The following EYS variants were observed in gnomAD, a reference collection of about 807,000 sequenced individuals.
EYS encodes the protein EGF-like photoreceptor maintenance factor.
EYS carries 250 observed loss-of-function variants against 282.1 expected under a neutral mutation model. The observed-to-expected ratio is 0.89, with a 90% confidence interval of 0.80 to 0.98. The LOEUF (loss-of-function observed/expected upper bound fraction) is 0.98, where lower values mean the gene tolerates loss of function less well. EYS is among the 50% of genes least tolerant of loss of function. The pLI is 0.00. For missense variants in EYS, 4,016 were observed against 3,709.0 expected (o/e 1.08, Z -2.15); for synonymous variants, 1,355 against 1,282.9 (o/e 1.06, Z -1.20).
intron 26 of EYS, among the ~76,000 whole-genome samples, chr6:64,582,727 C>T (rs10944599): frequency 0.098 from 14,984 of 152,130 alleles, 917 homozygotes; most frequent in East Asian, 0.17. Flanking sequence ...CACAATCACT[C>T]TACTGTATTC....
intron 30 of EYS, among the ~76,000 whole-genome samples, chr6:64,298,489 C>T (rs1483723791): frequency 6.6e-6 from 1 of 152,038 alleles, no homozygotes; most frequent in Non-Finnish European, 1.5e-5. Context: ...GTGTTAATGA[C>T]TTTAGGCTGT....
intron 31 of EYS, among the ~76,000 whole-genome samples, chr6:64,179,554 G>A (rs751079091): frequency 6.6e-6 from 1 of 152,010 alleles, no homozygotes; most frequent in Non-Finnish European, 1.5e-5. Flanking sequence ...AAGAGGCCTG[G>A]CACTTAGTAG....
rs117856315 is a variant in EYS, at chr6:64,758,773, T to G, written c.3443+54605A>C. On this transcript the variant is annotated intron_variant, in intron 22 of 42. Transcript: ENST00000503581. Reference sequence around the variant, plus strand: ...TATTTTTGTTTTATTAAATAAAGAGTCTACCCTTTGGGCAAAGAGTAATCA... The same window carrying G: ...TATTTTTGTTTTATTAAATAAAGAGGCTACCCTTTGGGCAAAGAGTAATCA... Among the ~76,000 whole-genome samples the G allele has an allele frequency of 1.4e-4, 22 of 152,114 alleles. No individual in the cohort carries two copies. The East Asian group carries it at 4.3e-3, about 30-fold the overall frequency.
intron 2 of EYS, among the ~76,000 whole-genome samples, chr6:65,558,625 G>C (rs1768910801): frequency 6.6e-6 from 1 of 152,196 alleles, no homozygotes; most frequent in Non-Finnish European, 1.5e-5. Flanking sequence ...TTCCAGATGG[G>C]CCACCACTGC....
At chr6:65,061,893 G>A (rs1199371078) in intron 12 of EYS, among the ~76,000 whole-genome samples, 1 of 151,780 alleles carries the variant, frequency 6.6e-6, no homozygotes, top group Admixed American at 6.6e-5. Context: ...AACATTCTAT[G>A]CTTTCTTTAC....
chr6:64,192,057 A>G (rs924877731), intron 31 of EYS, among the ~76,000 whole-genome samples: 4 of 142,522 alleles, frequency 2.8e-5, no homozygotes, highest in African/African-American at 1.0e-4. Flanking sequence ...TGTGGTTTTG[A>G]TTTGCATTTC....
At chr6:65,043,337 A>G (rs1037360474) in intron 13 of EYS, among the ~76,000 whole-genome samples, 11 of 151,542 alleles carry the variant, frequency 7.3e-5, no homozygotes, top group African/African-American at 2.4e-4. Flanking sequence ...ATATGACAAT[A>G]GTACAGCAAA....
At chr6:64,211,320 T>C (rs1240873492) in intron 31 of EYS, among the ~76,000 whole-genome samples, 1 of 152,206 alleles carries the variant, frequency 6.6e-6, no homozygotes, top group Non-Finnish European at 1.5e-5. Flanking sequence ...CTTTAGGTAA[T>C]CTGAAGGATC....
At chr6:64,445,755 A>G (rs1775099311) in intron 26 of EYS, among the ~76,000 whole-genome samples, 1 of 152,092 alleles carries the variant, frequency 6.6e-6, no homozygotes, top group African/African-American at 2.4e-5. Context: ...CTGTAATAGG[A>G]GGAAGAAATA....
rs1044608714 is a variant in EYS, at chr6:64,871,894, CA to C, written c.2992+14802del. ...AAAGGATAAGCCAACCAAGGATTGA[CA>C]ACAAAGAATTTGAAAAAGAAGGCAA... On this transcript the variant is annotated intron_variant, in intron 19 of 42. Transcript: ENST00000503581. Among the ~76,000 whole-genome samples the C allele has an allele frequency of 5.1e-4, 77 of 151,984 alleles. 1 individual carries two copies. The highest frequency in any genetic ancestry group is 1.8e-3 in the African/African-American group (74 of 41,494).
intron 23 of EYS, among the ~76,000 whole-genome samples, chr6:64,622,295 T>A (rs1319507224): frequency 6.6e-6 from 1 of 152,148 alleles, no homozygotes; most frequent in Non-Finnish European, 1.5e-5. Context: ...CTGTCATGAC[T>A]GGACAACATT....
At chr6:64,628,277 T>C (rs1280246619) in intron 22 of EYS, among the ~76,000 whole-genome samples, 2 of 151,068 alleles carry the variant, frequency 1.3e-5, no homozygotes, top group Non-Finnish European at 2.9e-5. Context: ...AATTCATCAC[T>C]AGTGGTTTAC....
intron 36 of EYS, among the ~76,000 whole-genome samples, chr6:63,823,545 A>G (rs79755373): frequency 1.3e-5 from 2 of 152,150 alleles, no homozygotes; most frequent in Admixed American, 6.5e-5. Context: ...CTCTAAGAAA[A>G]AAATTTCTCA....
chr6:64,563,188 T>C (rs1176986949), intron 26 of EYS, among the ~76,000 whole-genome samples: 3 of 152,020 alleles, frequency 2.0e-5, no homozygotes, highest in Non-Finnish European at 4.4e-5. Flanking sequence ...ACCACCTAAG[T>C]TCTCACATTT....
At chr6:64,513,559 G>C (rs1777471153) in intron 26 of EYS, among the ~76,000 whole-genome samples, 1 of 151,784 alleles carries the variant, frequency 6.6e-6, no homozygotes, top group Admixed American at 6.6e-5. Flanking sequence ...GTGCTAAATG[G>C]GTAATGGATA....
chr6:64,821,710 T>G lies in EYS; in HGVS notation c.3178A>C (p.Ile1060Leu). The change falls in exon 21 of 43, where the codon ATT becomes CTT. Residue 1060 changes from isoleucine to leucine, a missense_variant. Physicochemically the swap from Ile to Leu is conservative, Grantham distance 5. Transcript: ENST00000503581. The part of the protein sequence containing the change: ...PCLHGRCTEL[I>L]NEYPCSCDAD... ...TCACATGAACATGGATATTCATTAA[T>G]AAGTTCTGTGCACCTGAAACACAGA... The G allele has an allele frequency of 6.6e-7, 1 of 1,521,064 alleles. No homozygotes were observed. Among genetic ancestry groups the G allele is most frequent in the South Asian group, 1.2e-5 (1 of 82,542 alleles). The allele number at this position is 1,521,064 out of a possible 1,614,324, so 94.2% of individuals were successfully genotyped here.
intron 40 of EYS, among the ~76,000 whole-genome samples, chr6:63,772,769 A>G (rs974203503): frequency 7.2e-5 from 11 of 152,120 alleles, no homozygotes; most frequent in African/African-American, 2.7e-4. Flanking sequence ...AAAAACTGTA[A>G]AGCAAATTAT....
At chr6:65,499,015 A>G (rs1346555566) in intron 2 of EYS, among the ~76,000 whole-genome samples, 2 of 152,034 alleles carry the variant, frequency 1.3e-5, no homozygotes, top group Non-Finnish European at 2.9e-5. Flanking sequence ...AGCCATTGAC[A>G]GCATTTCACA....
In EYS at chr6:63,780,134, A is replaced by G. The variant is rs1770177160; in HGVS notation, c.7724-1954T>C. 2.0e-5 allele frequency among the ~76,000 whole-genome samples: 3 copies of G among 152,214 alleles called. No homozygotes were observed. In the South Asian group the frequency reaches 6.2e-4, roughly 32 times the overall value. On this transcript the variant is annotated intron_variant, in intron 39 of 42. Transcript: ENST00000503581. ...GGTGTATATGTGCCACATTTTCTTA[A>G]TCCAGTCTATCATTGATGGGCATTT...
Sources: allele counts gnomAD v4.1 joint callset (sites outside exome capture counted in the v4.1 genomes callset), GRCh38; gene constraint gnomAD v4.1.1; transcripts MANE v1.5; gene names NCBI Gene and HGNC (gene_info 2026-07-23, HGNC 2026-07-21).